The following ARHGAP21 variants were observed in gnomAD, a reference collection of about 807,000 sequenced individuals.
ARHGAP21 encodes the protein Rho GTPase activating protein 21, also known as rho GTPase-activating protein 21.
A neutral mutation model predicts 164.6 loss-of-function variants in ARHGAP21; 38 were observed. The observed-to-expected ratio is 0.23, with a 90% CI of 0.18 to 0.30. The LOEUF is 0.30. Ranked by LOEUF, ARHGAP21 falls within the 10% of genes least tolerant of loss-of-function variation. ARHGAP21 has a pLI of 1.00. For synonymous variants in ARHGAP21, 766 were observed against 857.9 expected (o/e 0.89, Z 1.87); for missense variants, 1,822 against 2,370.7 (o/e 0.77, Z 4.81).
At position 24,588,954 on chromosome 10, in the gene ARHGAP21, T is replaced by A. The variant is rs562602938; in HGVS notation, c.4182+317A>T. Among the ~76,000 whole-genome samples, 18 of 152,192 alleles carry A rather than the reference T, an allele frequency of 1.2e-4. No individual in the cohort carries two copies. The East Asian group carries it at 3.3e-3, about 28-fold the overall frequency. ...TGCTGATAATTACTGGAGATGAAGA[T>A]GGGTGCAGGGAGGCTTCTCATTTTA... On this transcript the variant is annotated intron_variant, in intron 25 of 25. Coordinates refer to ENST00000396432, the MANE Select transcript of ARHGAP21 (RefSeq NM_020824.4).
At chr10:24,688,855 C>T (rs10828686) in intron 2 of ARHGAP21, among the ~76,000 whole-genome samples, 1 of 151,970 alleles carries the variant, frequency 6.6e-6, no homozygotes, top group Admixed American at 6.6e-5. Flanking sequence ...TAGAATTACT[C>T]AATCTCAGAG....
At chr10:24,675,666 G>A (rs938337497) in intron 2 of ARHGAP21, among the ~76,000 whole-genome samples, 2 of 152,172 alleles carry the variant, frequency 1.3e-5, no homozygotes, top group African/African-American at 4.8e-5. Context: ...GGGGATAGGA[G>A]TGTGTGAATG....
chr10:24,676,039 T>C (rs1381326084), intron 2 of ARHGAP21, among the ~76,000 whole-genome samples: 2 of 151,992 alleles, frequency 1.3e-5, no homozygotes, highest in Admixed American at 6.5e-5. Context: ...TCCCAGCTAC[T>C]TGAGAGGCTG....
chr10:24,682,720 C>G (rs1316824208), intron 2 of ARHGAP21, among the ~76,000 whole-genome samples: 1 of 150,790 alleles, frequency 6.6e-6, no homozygotes, highest in Non-Finnish European at 1.5e-5. Flanking sequence ...CAATAAAGGT[C>G]GACAATGGGA....
chr10:24,600,740 G>A lies in ARHGAP21; in HGVS notation c.3038C>T (p.Thr1013Met). 1.2e-6 allele frequency: 2 copies of A among 1,613,966 alleles called. No individual in the cohort carries two copies. Among genetic ancestry groups the A allele is most frequent in the African/African-American group, 1.3e-5 (1 of 75,044 alleles). The change falls in exon 14 of 26, where the codon ACG (threonine) becomes ATG (methionine). Residue 1013 changes from threonine to methionine, a missense_variant. This residue lies in a region of ARHGAP21 where 1,090 missense variants were observed against 1,378.9 expected (regional missense o/e 0.79). Transcript: ENST00000396432. ...TKRKNVFRLT[T>M]SDCECLFQAE... Reference sequence around the variant, plus strand: ...CTGAAACAGGCATTCACAGTCGGACGTGGTGAGTCGAAACACATTTTTCCT... The same window carrying A: ...CTGAAACAGGCATTCACAGTCGGACATGGTGAGTCGAAACACATTTTTCCT...
At chr10:24,681,678 C>A (rs1291648698) in intron 2 of ARHGAP21, among the ~76,000 whole-genome samples, 1 of 151,776 alleles carries the variant, frequency 6.6e-6, no homozygotes, top group East Asian at 1.9e-4. Context: ...ATTAATAATA[C>A]CACTTACTTA....
chr10:24,670,981 C>A (rs1251090746), intron 2 of ARHGAP21, among the ~76,000 whole-genome samples: 2 of 152,048 alleles, frequency 1.3e-5, no homozygotes, highest in Non-Finnish European at 2.9e-5. Flanking sequence ...CCTTCTAAGC[C>A]CAAATCAAGA....
At chr10:24,652,472 A>G (rs1222881386) in intron 4 of ARHGAP21, among the ~76,000 whole-genome samples, 1 of 152,198 alleles carries the variant, frequency 6.6e-6, no homozygotes, top group Non-Finnish European at 1.5e-5. Context: ...AAAAGGAAAG[A>G]CTGATCATTC....
In ARHGAP21 at chr10:24,584,378, T is replaced by A. The variant is rs1409265109; in HGVS notation, c.*34A>T. 8 of 1,533,640 alleles carry A rather than the reference T, an allele frequency of 5.2e-6. No homozygotes were observed. The highest frequency in any genetic ancestry group is 8.7e-7 in the Non-Finnish European group (1 of 1,143,566). ...GAGTTACTGGAACGTGTAACAGTAG[T>A]TTTTTTACTTGCTAGAGTGGACATA... On this transcript the variant is annotated 3_prime_UTR_variant, in exon 26 of 26. Coordinates refer to ENST00000396432, the MANE Select transcript of ARHGAP21 (RefSeq NM_020824.4).
At chr10:24,694,376 C>T (rs960030662) in intron 2 of ARHGAP21, among the ~76,000 whole-genome samples, 1 of 152,230 alleles carries the variant, frequency 6.6e-6, no homozygotes, top group Non-Finnish European at 1.5e-5. Context: ...AGACGGTTCC[C>T]GTCATTCCTT....
intron 2 of ARHGAP21, among the ~76,000 whole-genome samples, chr10:24,674,906 A>G (rs772030325): frequency 2.6e-5 from 4 of 152,234 alleles, no homozygotes; most frequent in Non-Finnish European, 5.9e-5. Flanking sequence ...CACTGCACAC[A>G]TAATAGATGT....
At chr10:24,598,664 T>C (rs576484315) in intron 14 of ARHGAP21, among the ~76,000 whole-genome samples, 28 of 152,336 alleles carry the variant, frequency 1.8e-4, no homozygotes, top group African/African-American at 6.3e-4. Context: ...TACATTGATA[T>C]TGACTGGGGT....
chr10:24,630,946 G>A (rs1835792248), intron 6 of ARHGAP21, among the ~76,000 whole-genome samples: 1 of 152,100 alleles, frequency 6.6e-6, no homozygotes, highest in African/African-American at 2.4e-5. Context: ...TACTTTTAGT[G>A]CCTTTACAGG....
Position 24,666,690 on chromosome 10 carries a change from C to T in ARHGAP21, c.268+295G>A, listed in dbSNP as rs367939052. 1.6e-4 allele frequency among the ~76,000 whole-genome samples: 24 copies of T among 152,206 alleles called. No individual in the cohort carries two copies. In the South Asian group the frequency reaches 4.8e-3, roughly 30 times the overall value. On this transcript the variant is annotated intron_variant, in intron 4 of 25. Transcript: ENST00000396432. Reference sequence around the variant, plus strand: ...ATAATCACCTCATCTAGAAAGATTACTAATTGAAATAAAAATCTTAAGTGC... The same window carrying T: ...ATAATCACCTCATCTAGAAAGATTATTAATTGAAATAAAAATCTTAAGTGC...
intron 9 of ARHGAP21, among the ~76,000 whole-genome samples, chr10:24,619,028 T>C (rs1429268851): frequency 6.6e-6 from 1 of 152,176 alleles, no homozygotes; most frequent in Non-Finnish European, 1.5e-5. Flanking sequence ...AACTTGACAA[T>C]GAAGAGGTCT....
At chr10:24,602,366 G>A (rs763559930) in intron 12 of ARHGAP21, among the ~76,000 whole-genome samples, 1 of 152,046 alleles carries the variant, frequency 6.6e-6, no homozygotes, top group Admixed American at 6.5e-5. Context: ...AAAATGATCC[G>A]TTTGTGATTT....
At chr10:24,603,563 T>C (rs934042679) in intron 12 of ARHGAP21, among the ~76,000 whole-genome samples, 24 of 151,880 alleles carry the variant, frequency 1.6e-4, no homozygotes, top group Non-Finnish European at 3.2e-4. Flanking sequence ...ACTGGAAAAA[T>C]GGTGACTGTG....
chr10:24,600,036 G>C (rs1363127244), intron 14 of ARHGAP21, among the ~76,000 whole-genome samples: 1 of 150,002 alleles, frequency 6.7e-6, no homozygotes, highest in Non-Finnish European at 1.5e-5. Context: ...GGGAAGCTAA[G>C]GCAGGAGAAT....
chr10:24,636,724 A>G (rs1836425375), intron 4 of ARHGAP21, among the ~76,000 whole-genome samples: 1 of 152,228 alleles, frequency 6.6e-6, no homozygotes, highest in Admixed American at 6.5e-5. Flanking sequence ...CTCCAAAGCA[A>G]TGAATGGCTA....
Sources: allele counts gnomAD v4.1 joint callset (sites outside exome capture counted in the v4.1 genomes callset), GRCh38; gene constraint gnomAD v4.1.1; regional missense constraint gnomAD v4.1.1; transcripts MANE v1.5; gene names NCBI Gene and HGNC (gene_info 2026-07-23, HGNC 2026-07-21).